The following UST variants were observed in gnomAD, a reference collection of about 807,000 sequenced individuals.
The protein encoded by UST is chondroitin sulfate 2-O-sulfotransferase.
UST carries 21 observed loss-of-function variants against 45.6 expected under a neutral mutation model. That is an observed-to-expected ratio of 0.46 (90% CI 0.33 to 0.66). The LOEUF (loss-of-function observed/expected upper bound fraction) is 0.66, where lower values mean the gene tolerates loss of function less well. Ranked by LOEUF, UST falls within the 30% of genes least tolerant of loss-of-function variation. The probability of loss-of-function intolerance (pLI) is 0.02; values close to 1 mark genes in which losing one functional copy is unlikely to be tolerated. For synonymous variants in UST, 215 were observed against 200.6 expected, an observed-to-expected ratio of 1.07 and a Z score of -0.61; for missense variants, 463 against 512.4, an observed-to-expected ratio of 0.90 and a Z score of 0.93.
chr6:149,000,039 A>C (rs1781517645), intron 5 of UST, among the ~76,000 whole-genome samples: 1 of 152,224 alleles, frequency 6.6e-6, no homozygotes, highest in Admixed American at 6.5e-5. Context: ...GCTCTGGTCC[A>C]GAATCCAGTA....
chr6:148,818,003 T>C (rs1777387857), intron 1 of UST, among the ~76,000 whole-genome samples: 1 of 152,218 alleles, frequency 6.6e-6, no homozygotes, highest in Non-Finnish European at 1.5e-5. Context: ...ATTTACTATC[T>C]GACCCTTTAC....
At chr6:148,841,383 C>G (rs557370517) in intron 1 of UST, among the ~76,000 whole-genome samples, 1 of 152,074 alleles carries the variant, frequency 6.6e-6, no homozygotes, top group South Asian at 2.1e-4. Context: ...AGAATTATAC[C>G]CTGCCTCAAG....
chr6:148,779,112 ATT>A (rs140936430), intron 1 of UST, among the ~76,000 whole-genome samples: 106 of 138,314 alleles, frequency 7.7e-4, no homozygotes, highest in African/African-American at 2.2e-3. Flanking sequence ...TTTGTGGCAC[ATT>A]TTTTTTTTTT....
At chr6:148,898,849 T>A (rs1299223782) in intron 2 of UST, among the ~76,000 whole-genome samples, 1 of 152,200 alleles carries the variant, frequency 6.6e-6, no homozygotes, top group East Asian at 1.9e-4. Context: ...TACAAAATCA[T>A]GAGCTTAACT....
chr6:148,921,814 C>G (rs1195382437), intron 2 of UST, among the ~76,000 whole-genome samples: 1 of 152,154 alleles, frequency 6.6e-6, no homozygotes, highest in Admixed American at 6.5e-5. Context: ...CCTCTGGAGC[C>G]CCATCTCCCT....
At chr6:148,988,596 A>G (rs1483330582) in intron 5 of UST, among the ~76,000 whole-genome samples, 2 of 144,310 alleles carry the variant, frequency 1.4e-5, no homozygotes, top group African/African-American at 5.1e-5. Flanking sequence ...AAAAAAAAGC[A>G]AAAAACAACA....
intron 1 of UST, among the ~76,000 whole-genome samples, chr6:148,793,442 C>G (rs1171589272): frequency 1.3e-5 from 2 of 152,214 alleles, no homozygotes; most frequent in Non-Finnish European, 2.9e-5. Flanking sequence ...CCCCCCTCCT[C>G]ACCCTCCACC....
intron 1 of UST, among the ~76,000 whole-genome samples, chr6:148,791,484 G>A (rs575065025): frequency 6.6e-5 from 10 of 152,156 alleles, no homozygotes; most frequent in Non-Finnish European, 1.5e-4. Context: ...TAAGAAGTGC[G>A]TAGGGTCAGA....
intron 2 of UST, among the ~76,000 whole-genome samples, chr6:148,927,610 A>G (rs1479374910): frequency 6.6e-6 from 1 of 152,184 alleles, no homozygotes; most frequent in African/African-American, 2.4e-5. Context: ...CATTTTACAA[A>G]TTAAGTGAGA....
intron 4 of UST, among the ~76,000 whole-genome samples, chr6:148,959,196 G>A (rs143335127): frequency 1.9e-4 from 29 of 152,308 alleles, no homozygotes; most frequent in African/African-American, 6.5e-4. Context: ...ATCAACTTTT[G>A]TGAACAAACT....
Position 148,982,706 on chromosome 6 carries a change from T to C in UST, c.681+18143T>C, listed in dbSNP as rs562828315. On this transcript the variant is annotated intron_variant, in intron 5 of 7. Transcript: ENST00000367463. ...TTATTATCAAAAAGAAGCACTTCTG[T>C]TATGCTTAGCAGCCTTAACAGTGCT... Among the ~76,000 whole-genome samples, 12 of 152,374 alleles carry C rather than the reference T, an allele frequency of 7.9e-5. 1 individual carries two copies. The South Asian group carries it at 2.5e-3, about 32-fold the overall frequency.
At chr6:148,949,186 G>A (rs1270690988) in intron 3 of UST, among the ~76,000 whole-genome samples, 1 of 151,890 alleles carries the variant, frequency 6.6e-6, no homozygotes, top group Non-Finnish European at 1.5e-5. Flanking sequence ...AGCTACTGGG[G>A]AGGCTGGGGC....
chr6:148,840,875 C>A (rs1351547552), intron 1 of UST, among the ~76,000 whole-genome samples: 1 of 152,150 alleles, frequency 6.6e-6, no homozygotes, highest in Admixed American at 6.5e-5. Context: ...TCTTCCACTG[C>A]GTTCACTGCG....
At chr6:148,781,687 T>G (rs906047435) in intron 1 of UST, among the ~76,000 whole-genome samples, 1 of 152,192 alleles carries the variant, frequency 6.6e-6, no homozygotes, top group Non-Finnish European at 1.5e-5. Context: ...GAGAACCCGG[T>G]ACCTGGCTTT....
intron 1 of UST, among the ~76,000 whole-genome samples, chr6:148,764,990 C>T (rs1394883469): frequency 2.6e-5 from 4 of 152,118 alleles, no homozygotes; most frequent in East Asian, 1.9e-4. Flanking sequence ...TTAGAGGCCC[C>T]GCCCTAGGAA....
Position 148,890,631 on chromosome 6 carries a change from G to A in UST, c.291+3602G>A, listed in dbSNP as rs577270849. On this transcript the variant is annotated intron_variant, in intron 2 of 7. Transcript: ENST00000367463. ...CACAAGTAATAGCCATTTAGGGAAT[G>A]GGGTGTGCCACACAACACATACTGG... is the stretch of plus-strand genomic sequence containing the variant. Among the ~76,000 whole-genome samples the A allele has an allele frequency of 7.2e-5, 11 of 152,222 alleles. No homozygotes were observed. In the South Asian group the frequency reaches 1.0e-3, roughly 14 times the overall value.
chr6:149,049,302 A>G (rs1312450215), intron 7 of UST, among the ~76,000 whole-genome samples: 2 of 152,228 alleles, frequency 1.3e-5, no homozygotes, highest in African/African-American at 4.8e-5. Context: ...TATACCAAAA[A>G]CAGTTAAATG....
At position 148,934,857 on chromosome 6, in the gene UST, G is replaced by A. The variant is rs1343246721; in HGVS notation, c.292-6422G>A. Among the ~76,000 whole-genome samples, 1 of 152,192 alleles carries A rather than the reference G, an allele frequency of 6.6e-6. No individual in the cohort carries two copies. Among genetic ancestry groups the A allele is most frequent in the Non-Finnish European group, 1.5e-5 (1 of 68,040 alleles). ...AGAAATCTGCATTTTTAAAAGTTCT[G>A]TGAGGAATTTGAATATACAGTTATT... On this transcript the variant is annotated intron_variant, in intron 2 of 7. Transcript: ENST00000367463. This position sits in a 1 kb window ranked among gnomAD's most constrained non-coding sequence, Gnocchi z 4.1.
intron 1 of UST, among the ~76,000 whole-genome samples, chr6:148,843,428 A>C (rs1008000724): frequency 6.6e-6 from 1 of 152,250 alleles, no homozygotes; most frequent in Non-Finnish European, 1.5e-5. Context: ...GTTTGAGCTT[A>C]AGGGGCACTA....
Sources: allele counts gnomAD v4.1 joint callset (sites outside exome capture counted in the v4.1 genomes callset), GRCh38; gene constraint gnomAD v4.1.1; non-coding constraint Gnocchi (gnomAD v3.1); transcripts MANE v1.5; gene names NCBI Gene and HGNC (gene_info 2026-07-23, HGNC 2026-07-21).